CSMD1: variants seen among roughly 807,000 people sequenced by gnomAD.
CSMD1 encodes CUB and Sushi multiple domains 1.
A neutral mutation model predicts 417.5 loss-of-function variants in CSMD1; 213 were observed. The ratio of observed to expected loss-of-function variants is 0.51; its 90% CI spans 0.46 to 0.57. The LOEUF is 0.57. Ranked by LOEUF, CSMD1 falls within the 20% of genes least tolerant of loss-of-function variation. CSMD1 has a pLI of 0.00. For missense variants in CSMD1, 6,923 were observed against 4,529.7 expected (o/e 1.53, Z -15.17); for synonymous variants, 2,862 against 1,736.8 (o/e 1.65, Z -16.11).
intron 3 of CSMD1, among the ~76,000 whole-genome samples, chr8:4,367,648 G>A (rs544180852): frequency 4.6e-5 from 7 of 152,026 alleles, no homozygotes; most frequent in African/African-American, 1.7e-4. Flanking sequence ...AAATTGCTTT[G>A]GGTGGTATGA....
At chr8:4,555,610 T>G (rs1037416204) in intron 2 of CSMD1, among the ~76,000 whole-genome samples, 1 of 152,174 alleles carries the variant, frequency 6.6e-6, no homozygotes, top group Non-Finnish European at 1.5e-5. Context: ...AGCTTATATC[T>G]CTATGGAGTG....
At chr8:4,953,117 A>T (rs73659084) in intron 1 of CSMD1, among the ~76,000 whole-genome samples, 3,236 of 152,246 alleles carry the variant, frequency 0.021, 119 homozygotes, top group African/African-American at 0.074. Flanking sequence ...GAATTGTAAC[A>T]GTTATTAACT....
At chr8:3,220,419 T>C (rs1259968267) in intron 28 of CSMD1, among the ~76,000 whole-genome samples, 1 of 152,204 alleles carries the variant, frequency 6.6e-6, no homozygotes, top group Admixed American at 6.5e-5. Flanking sequence ...TGGTGATGTG[T>C]AGGCTGATAG....
chr8:4,072,521 A>G (rs911905833), intron 3 of CSMD1, among the ~76,000 whole-genome samples: 11 of 152,292 alleles, frequency 7.2e-5, no homozygotes, highest in African/African-American at 2.2e-4. Context: ...TGAAAGCTCT[A>G]AACAGGAATC....
intron 1 of CSMD1, among the ~76,000 whole-genome samples, chr8:4,644,596 A>G (rs1384283822): frequency 6.6e-6 from 1 of 152,168 alleles, no homozygotes; most frequent in African/African-American, 2.4e-5. Context: ...TAGTAGAGAC[A>G]GGGTTGTTCA....
At chr8:4,679,781 T>C (rs897722090) in intron 1 of CSMD1, among the ~76,000 whole-genome samples, 2 of 152,134 alleles carry the variant, frequency 1.3e-5, no homozygotes, top group African/African-American at 2.4e-5. Flanking sequence ...CTAAGTAATA[T>C]GTGTATAAAT....
At chr8:2,981,607 C>G (rs1805430239) in intron 54 of CSMD1, among the ~76,000 whole-genome samples, 1 of 152,080 alleles carries the variant, frequency 6.6e-6, no homozygotes, top group African/African-American at 2.4e-5. Context: ...GGAATGAGAA[C>G]ACTGATGTCT....
chr8:3,825,188 T>C (rs1359669871), intron 5 of CSMD1, among the ~76,000 whole-genome samples: 4 of 152,140 alleles, frequency 2.6e-5, no homozygotes, highest in Non-Finnish European at 5.9e-5. Flanking sequence ...TTTAGCGTGC[T>C]GATTCCCTGA....
chr8:3,304,716 TTTTTTA>T (rs1212683555), intron 25 of CSMD1, among the ~76,000 whole-genome samples: 25 of 39,042 alleles, frequency 6.4e-4, no homozygotes, highest in Non-Finnish European at 1.1e-3. Flanking sequence ...ATTCAAATAT[TTTTTTA>T]TTTTTCTCTT....
intron 5 of CSMD1, among the ~76,000 whole-genome samples, chr8:3,953,216 A>G (rs977082552): frequency 1.3e-5 from 2 of 152,196 alleles, no homozygotes; most frequent in Non-Finnish European, 2.9e-5. Flanking sequence ...TTATAGGATT[A>G]AAATCAAGAA....
intron 1 of CSMD1, chr8:4,787,217 C>G: frequency 2.1e-6 from 1 of 478,818 alleles, no homozygotes; most frequent in South Asian, 2.4e-5. Context: ...CGCCAGGGGG[C>G]GCGCCTGGGG....
At chr8:4,138,597 G>C (rs1383605599) in intron 3 of CSMD1, among the ~76,000 whole-genome samples, 2 of 149,410 alleles carry the variant, frequency 1.3e-5, no homozygotes, top group Admixed American at 6.8e-5. Flanking sequence ...AGAAATTCAA[G>C]AAAGCAAAAC....
rs879905961 is a variant in CSMD1, at chr8:3,839,086, A to G, written c.819-85044T>C. Among the ~76,000 whole-genome samples the G allele has an allele frequency of 9.2e-4, 106 of 115,258 alleles. 1 individual carries two copies. Among genetic ancestry groups the G allele is most frequent in the Admixed American group, 2.4e-3 (22 of 9,342 alleles). 75.6% of individuals were successfully genotyped at this position (115,258 alleles called of 152,430 possible). A position where few individuals can be genotyped will look rare whatever the true frequency, so the allele number is the denominator to read the frequency against. On this transcript the variant is annotated intron_variant, in intron 5 of 69. Coordinates refer to ENST00000635120, the MANE Select transcript of CSMD1 (RefSeq NM_033225.6). ...TATAGATATATAGCCTAGGCTATAT[A>G]TAATATAATATAGCCTATATATATA...
At chr8:3,119,034 G>T (rs1371199908) in intron 41 of CSMD1, among the ~76,000 whole-genome samples, 1 of 152,016 alleles carries the variant, frequency 6.6e-6, no homozygotes, top group Admixed American at 6.6e-5. Flanking sequence ...CAAAAAGTTA[G>T]CCTGGCGTGG....
chr8:4,249,476 G>A (rs1187784759), intron 3 of CSMD1, among the ~76,000 whole-genome samples: 1 of 152,198 alleles, frequency 6.6e-6, no homozygotes, highest in Non-Finnish European at 1.5e-5. Flanking sequence ...TGTAAACAGG[G>A]TTAAACATTT....
At chr8:3,007,690 A>T (rs1808052427) in intron 52 of CSMD1, among the ~76,000 whole-genome samples, 1 of 148,986 alleles carries the variant, frequency 6.7e-6, no homozygotes, top group South Asian at 2.1e-4. Flanking sequence ...CAAACACCGC[A>T]TATTCTCACT....
chr8:4,097,789 A>G (rs1355387351), intron 3 of CSMD1, among the ~76,000 whole-genome samples: 1 of 152,210 alleles, frequency 6.6e-6, no homozygotes, highest in Admixed American at 6.5e-5. Flanking sequence ...TAGTTTTAGC[A>G]TGATTACAAA....
At chr8:4,718,359 C>T (rs1362166692) in intron 1 of CSMD1, among the ~76,000 whole-genome samples, 5 of 152,062 alleles carry the variant, frequency 3.3e-5, no homozygotes, top group African/African-American at 1.2e-4. Context: ...TAAAATTCAC[C>T]TAAATATACA....
intron 1 of CSMD1, among the ~76,000 whole-genome samples, chr8:4,912,102 T>C (rs2117094138): frequency 8.7e-6 from 1 of 115,146 alleles, no homozygotes; most frequent in African/African-American, 3.2e-5. Context: ...CCTGTACTTT[T>C]CTAGTGCTCA....
Sources: gnomAD v4.1 joint callset for allele counts (sites outside exome capture counted in the v4.1 genomes callset) on GRCh38, gnomAD v4.1.1 for gene constraint, MANE v1.5 for transcripts, NCBI Gene and HGNC (gene_info 2026-07-23, HGNC 2026-07-21) for gene names.